Variants in MPC2 observed in about 807,000 individuals in gnomAD.
MPC2 encodes the protein brain protein 44.
MPC2 carries 19 observed loss-of-function variants against 19.2 expected under a neutral mutation model. The observed-to-expected ratio is 0.99, with a 90% CI of 0.69 to 1.45. The LOEUF is 1.45. Among genes scored for constraint, MPC2 ranks in the 40% most tolerant of loss-of-function variants. The pLI is 0.00. For synonymous variants in MPC2, 61 were observed against 54.3 expected (o/e 1.12, Z -0.54); for missense variants, 122 against 153.0 (o/e 0.80, Z 1.07).
intron 5 of MPC2, among the ~76,000 whole-genome samples, chr1:167,919,729 C>T (rs1350839825): frequency 6.6e-6 from 1 of 152,106 alleles, no homozygotes; most frequent in Non-Finnish European, 1.5e-5. Context: ...AGGTAACATA[C>T]TGCTTAACTG....
chr1:167,935,949 C>A, intron 1 of MPC2, 51 bp from the exon 2 acceptor site: 1 of 820,306 alleles, frequency 1.2e-6, no homozygotes, highest in Non-Finnish European at 2.0e-6. Flanking sequence ...GACTCGCGTC[C>A]GCCTCTCGCC....
intron 2 of MPC2, among the ~76,000 whole-genome samples, chr1:167,927,772 C>T (rs1173293067): frequency 6.6e-6 from 1 of 151,994 alleles, no homozygotes; most frequent in Non-Finnish European, 1.5e-5. Context: ...TAACAACAGC[C>T]CTTCCCCACC....
In MPC2 at chr1:167,918,306, G is replaced by A. The variant is rs756129812; in HGVS notation, c.*17C>T. The A allele has an allele frequency of 7.7e-6, 12 of 1,561,398 alleles. No individual in the cohort carries two copies. Among genetic ancestry groups the A allele is most frequent in the East Asian group, 2.3e-5 (1 of 44,416 alleles). ...GTTTTGTCCACATCTAGATTGTTCA[G>A]GTGATCAGGAACTCTTTTATTTGTG... is the stretch of plus-strand genomic sequence containing the variant. On this transcript the variant is annotated 3_prime_UTR_variant, in exon 6 of 6. Coordinates refer to ENST00000271373, the MANE Select transcript of MPC2 (RefSeq NM_001143674.4).
intron 2 of MPC2, among the ~76,000 whole-genome samples, chr1:167,935,046 C>T (rs988529828): frequency 1.1e-4 from 17 of 151,922 alleles, no homozygotes; most frequent in Non-Finnish European, 1.5e-5. Flanking sequence ...TCTCATAGAC[C>T]GCGTATTACA....
At chr1:167,926,739 C>T (rs571701196) in intron 2 of MPC2, among the ~76,000 whole-genome samples, 58 of 152,286 alleles carry the variant, frequency 3.8e-4, no homozygotes, top group African/African-American at 1.3e-3. Context: ...GAAATCCTGG[C>T]CTAGGGCGAC....
At chr1:167,924,358 G>T (rs1050728248) in intron 3 of MPC2, 139 bp downstream of exon 3, 2 of 635,054 alleles carry the variant, frequency 3.1e-6, no homozygotes, top group South Asian at 2.6e-5. Flanking sequence ...CGATATGTCT[G>T]AGAATATTTG....
In MPC2 at chr1:167,935,857, G is replaced by C; in HGVS notation, c.-16C>G. 6.5e-7 allele frequency: 1 copy of C among 1,543,066 alleles called. No individual in the cohort carries two copies. On this transcript the variant is annotated 5_prime_UTR_variant, in exon 2 of 6. Coordinates refer to ENST00000271373, the MANE Select transcript of MPC2 (RefSeq NM_001143674.4). ...CGGCCGACATCGCCGCCGAGGGATC[G>C]TTGGCAGCCGGGTGGGAGCGTGGCT...
chr1:167,919,899 C>T (rs1279898767), intron 5 of MPC2, 80 bp downstream of exon 5: 3 of 900,106 alleles, frequency 3.3e-6, no homozygotes, highest in Non-Finnish European at 5.2e-6. Context: ...CAGAGCGAGA[C>T]CCCGTCTCAA....
chr1:167,918,154 G>C lies in MPC2; in HGVS notation c.*169C>G. 1 of 548,674 alleles carries C rather than the reference G, an allele frequency of 1.8e-6. No individual in the cohort carries two copies. Among genetic ancestry groups the C allele is most frequent in the Non-Finnish European group, 3.2e-6 (1 of 310,370 alleles). The allele number at this position is 548,674 out of a possible 1,614,324, so 34.0% of individuals were successfully genotyped here. On this transcript the variant is annotated 3_prime_UTR_variant, in exon 6 of 6. Transcript: ENST00000271373. ...AGATAAGTTCCTTAAGTCATGTAGAGAGACTGTTATTAAAAGTTTGCTGCA... is the reference window on the plus strand; with the variant it reads ...AGATAAGTTCCTTAAGTCATGTAGACAGACTGTTATTAAAAGTTTGCTGCA...
At chr1:167,918,594 CTTTT>C (rs200327028) in intron 5 of MPC2, among the ~76,000 whole-genome samples, 2 of 133,188 alleles carry the variant, frequency 1.5e-5, no homozygotes, top group Admixed American at 7.9e-5. Context: ...CTGCCAAAAA[CTTTT>C]TTTTTTTTTT....
At chr1:167,927,497 A>G (rs895094095) in intron 2 of MPC2, among the ~76,000 whole-genome samples, 8 of 152,142 alleles carry the variant, frequency 5.3e-5, no homozygotes, top group Non-Finnish European at 1.2e-4. Flanking sequence ...GAGTCAGTCC[A>G]TGTATTGTTT....
At chr1:167,929,538 T>A (rs1670849869) in intron 2 of MPC2, among the ~76,000 whole-genome samples, 1 of 152,202 alleles carries the variant, frequency 6.6e-6, no homozygotes, top group Non-Finnish European at 1.5e-5. Flanking sequence ...CATAAGCAAA[T>A]AATAACAGAC....
rs1379726556 is a variant in MPC2, at chr1:167,918,633, G to A, written c.348-274C>T. On this transcript the variant is annotated intron_variant, in intron 5 of 5. Transcript: ENST00000271373. ...TTTTGAGATGGAGTCTCACTCTGTCGCCCAGGCTGGAGTGTAGTGGTGTGA... is the reference window on the plus strand; with the variant it reads ...TTTTGAGATGGAGTCTCACTCTGTCACCCAGGCTGGAGTGTAGTGGTGTGA... 5.7e-5 allele frequency among the ~76,000 whole-genome samples: 8 copies of A among 141,086 alleles called. No individual in the cohort carries two copies. In the Middle Eastern group the frequency reaches 0.017, roughly 301 times the overall value. 92.6% of individuals were successfully genotyped at this position (141,086 alleles called of 152,430 possible).
intron 2 of MPC2, among the ~76,000 whole-genome samples, chr1:167,932,689 A>T (rs1372618548): frequency 6.6e-6 from 1 of 151,916 alleles, no homozygotes; most frequent in Non-Finnish European, 1.5e-5. Context: ...CATGCCTGTA[A>T]TCCCAGCTAC....
intron 2 of MPC2, among the ~76,000 whole-genome samples, chr1:167,930,724 C>T (rs1670883401): frequency 6.6e-6 from 1 of 152,178 alleles, no homozygotes; most frequent in Non-Finnish European, 1.5e-5. Context: ...TTTCTTTGAT[C>T]CTAGTCCTCT....
chr1:167,931,000 T>G (rs1355736679), intron 2 of MPC2, among the ~76,000 whole-genome samples: 1 of 152,216 alleles, frequency 6.6e-6, no homozygotes, highest in Non-Finnish European at 1.5e-5. Flanking sequence ...GGCACGATCT[T>G]GGCTCACTGC....
chr1:167,931,025 G>A (rs1213848685), intron 2 of MPC2, among the ~76,000 whole-genome samples: 1 of 152,216 alleles, frequency 6.6e-6, no homozygotes, highest in African/African-American at 2.4e-5. Flanking sequence ...TCCATCTTCT[G>A]GGTTCAAGCA....
chr1:167,936,734 G>A, intron 1 of MPC2: 1 of 600,394 alleles, frequency 1.7e-6, no homozygotes, highest in South Asian at 2.0e-5. Flanking sequence ...TCCGGCCCGG[G>A]TGCGGCCGGG....
intron 2 of MPC2, among the ~76,000 whole-genome samples, chr1:167,927,788 AAAC>A (rs144780358): frequency 0.015 from 2,323 of 152,330 alleles, 55 homozygotes; most frequent in African/African-American, 0.051. Context: ...CCACCAAACC[AAAC>A]AACTGAAAAA....
Sources: allele counts gnomAD v4.1 joint callset (sites outside exome capture counted in the v4.1 genomes callset), GRCh38; gene constraint gnomAD v4.1.1; transcripts MANE v1.5; gene names NCBI Gene and HGNC (gene_info 2026-07-23, HGNC 2026-07-21).